The following CDC42EP3 variants were observed in gnomAD, a reference collection of about 807,000 sequenced individuals.
CDC42EP3 encodes the protein CDC42 effector protein (Rho GTPase binding) 3.
Under a neutral mutation model 15.5 loss-of-function variants are expected in CDC42EP3, and 4 were observed. The observed-to-expected ratio is 0.26, with a 90% CI of 0.13 to 0.59. The LOEUF (loss-of-function observed/expected upper bound fraction) is 0.59, where lower values mean the gene tolerates loss of function less well. CDC42EP3 is among the 20% of genes least tolerant of loss of function. The probability of loss-of-function intolerance (pLI) is 0.89; values close to 1 mark genes in which losing one functional copy is unlikely to be tolerated. For missense variants in CDC42EP3, 309 were observed against 311.2 expected (o/e 0.99, Z 0.05); for synonymous variants, 145 against 130.3 (o/e 1.11, Z -0.77).
At chr2:37,657,101 G>A (rs1433489636) in intron 1 of CDC42EP3, among the ~76,000 whole-genome samples, 1 of 149,850 alleles carries the variant, frequency 6.7e-6, no homozygotes, top group Non-Finnish European at 1.5e-5. Flanking sequence ...ATGCGACAGT[G>A]AACAATCACA....
At position 37,646,226 on chromosome 2, in the gene CDC42EP3, G is replaced by T. The variant is rs1223010588; in HGVS notation, c.362C>A (p.Pro121His). 2 of 1,614,090 alleles carry T rather than the reference G, an allele frequency of 1.2e-6. No homozygotes were observed. The highest frequency in any genetic ancestry group is 2.7e-5 in the African/African-American group (2 of 74,914). Residue 121 changes from proline to histidine, a missense_variant, in exon 2 of 2, where the codon CCC (proline) becomes CAC (histidine). Transcript: ENST00000295324. The stretch of plus-strand genomic sequence containing the variant: ...ATTAAATGTCACTGGTGACAATAAG[G>T]GCAACATGAGAGCTTGGGATCCTCC... Reference protein sequence around the residue: ...TIGGSQALMLPLLSPVTFNSK... With the variant: ...TIGGSQALMLHLLSPVTFNSK...
At chr2:37,654,490 T>C (rs1665786875) in intron 1 of CDC42EP3, among the ~76,000 whole-genome samples, 2 of 152,140 alleles carry the variant, frequency 1.3e-5, no homozygotes, top group South Asian at 4.1e-4. Flanking sequence ...AGGAAAGATT[T>C]TGGCTCCTCC....
rs981751141 is a variant in CDC42EP3, at chr2:37,650,052, G to A, written c.-235-3230C>T. ...CTAACAGCTCCCAAATACCCTGAAA[G>A]TTAAGAATTTTGGGCAAAATGTCAG... On this transcript the variant is annotated intron_variant, in intron 1 of 1. Coordinates refer to ENST00000295324, the MANE Select transcript of CDC42EP3 (RefSeq NM_006449.5). 2.5e-5 allele frequency among the ~76,000 whole-genome samples: 3 copies of A among 122,428 alleles called. No individual in the cohort carries two copies. In the South Asian group the frequency reaches 8.3e-4, roughly 34 times the overall value. 80.3% of individuals were successfully genotyped at this position (122,428 alleles called of 152,430 possible). A position where few individuals can be genotyped will look rare whatever the true frequency, so the allele number is the denominator to read the frequency against.
At chr2:37,662,935 C>T (rs904753583) in intron 1 of CDC42EP3, among the ~76,000 whole-genome samples, 18 of 152,122 alleles carry the variant, frequency 1.2e-4, no homozygotes, top group Admixed American at 2.6e-4. Flanking sequence ...GAGGCCGAGG[C>T]GGGCGGATCG....
At chr2:37,669,231 G>A (rs1227954176) in intron 1 of CDC42EP3, among the ~76,000 whole-genome samples, 8 of 69,690 alleles carry the variant, frequency 1.1e-4, no homozygotes, top group Admixed American at 2.0e-4. Context: ...CTATGGCCTG[G>A]CTAAAAAAAA....
Position 37,645,032 on chromosome 2 carries a change from A to AG in CDC42EP3, c.*790dup, listed in dbSNP as rs1439867662. The AG allele has an allele frequency of 1.3e-5, 2 of 152,210 alleles. No individual in the cohort carries two copies. Among genetic ancestry groups the AG allele is most frequent in the African/African-American group, 2.4e-5 (1 of 41,448 alleles). The allele number at this position is 152,210 out of a possible 1,614,324, so 9.4% of individuals were successfully genotyped here. A position where few individuals can be genotyped will look rare whatever the true frequency, so the allele number is the denominator to read the frequency against. On this transcript the variant is annotated 3_prime_UTR_variant, in exon 2 of 2. Coordinates refer to ENST00000295324, the MANE Select transcript of CDC42EP3 (RefSeq NM_006449.5). Reference sequence around the variant, plus strand: ...CTGTTAAAAGTATGATAACAGATGAAGAAAAAAAAACTAAGTATGAATACA... The same window carrying AG: ...CTGTTAAAAGTATGATAACAGATGAAGGAAAAAAAAACTAAGTATGAATACA...
intron 1 of CDC42EP3, among the ~76,000 whole-genome samples, chr2:37,667,672 T>C (rs1666287064): frequency 6.6e-6 from 1 of 152,216 alleles, no homozygotes; most frequent in South Asian, 2.1e-4. Flanking sequence ...ATAATTTACA[T>C]AGTGTTCCTC....
chr2:37,645,773 T>G lies in CDC42EP3; in HGVS notation c.*50A>C. ...CGGAAGCCCTTCTCTTCAACTGTGG[T>G]TAGTTTGTTTTTGTACCTTTTACCC... On this transcript the variant is annotated 3_prime_UTR_variant, in exon 2 of 2. Coordinates refer to ENST00000295324, the MANE Select transcript of CDC42EP3 (RefSeq NM_006449.5). The G allele has an allele frequency of 8.7e-6, 12 of 1,386,418 alleles. No homozygotes were observed. The highest frequency in any genetic ancestry group is 2.9e-5 in the African/African-American group (2 of 69,290). The allele number at this position is 1,386,418 out of a possible 1,614,324, so 85.9% of individuals were successfully genotyped here.
chr2:37,658,256 G>A (rs11883996), intron 1 of CDC42EP3, among the ~76,000 whole-genome samples: 3,629 of 152,286 alleles, frequency 0.024, 108 homozygotes, highest in African/African-American at 0.068. Context: ...ACAGAAGTTG[G>A]AAGCAAGATC....
At position 37,653,073 on chromosome 2, in the gene CDC42EP3, A is replaced by G. The variant is rs1412115493; in HGVS notation, c.-235-6251T>C. Among the ~76,000 whole-genome samples the G allele has an allele frequency of 1.9e-4, 29 of 152,172 alleles. 1 individual carries two copies. Among genetic ancestry groups the G allele is most frequent in the African/African-American group, 2.4e-5 (1 of 41,424 alleles). On this transcript the variant is annotated intron_variant, in intron 1 of 1. Transcript: ENST00000295324. ...GGTTTGTTCCTCTTTCCCTTCATAG[A>G]TAACACTGGAGATAACATTCATCTC...
chr2:37,655,046 C>T (rs1343338578), intron 1 of CDC42EP3, among the ~76,000 whole-genome samples: 1 of 152,084 alleles, frequency 6.6e-6, no homozygotes, highest in East Asian at 1.9e-4. Flanking sequence ...TTAACTCCAC[C>T]CATTTGAGAA....
chr2:37,670,607 T>G (rs374489805), intron 1 of CDC42EP3, among the ~76,000 whole-genome samples: 17 of 152,218 alleles, frequency 1.1e-4, no homozygotes, highest in African/African-American at 4.1e-4. Flanking sequence ...CCACGCAGCT[T>G]GTCCCAGCCA....
At chr2:37,668,313 G>A (rs936338762) in intron 1 of CDC42EP3, among the ~76,000 whole-genome samples, 7 of 152,082 alleles carry the variant, frequency 4.6e-5, no homozygotes, top group Admixed American at 1.3e-4. Context: ...TAAGTACCTA[G>A]GAAAAAAACA....
Position 37,645,725 on chromosome 2 carries a change from A to G in CDC42EP3, c.*98T>C. On this transcript the variant is annotated 3_prime_UTR_variant, in exon 2 of 2. Transcript: ENST00000295324. ...TAAGAATATTATTTTAGAAAACCCA[A>G]CACAAAACTGCAAATACAGCTCCGG... is the stretch of plus-strand genomic sequence containing the variant. 1.1e-6 allele frequency: 1 copy of G among 949,490 alleles called. No individual in the cohort carries two copies. The highest frequency in any genetic ancestry group is 1.5e-6 in the Non-Finnish European group (1 of 653,844). The allele number at this position is 949,490 out of a possible 1,614,324, so 58.8% of individuals were successfully genotyped here.
intron 1 of CDC42EP3, among the ~76,000 whole-genome samples, chr2:37,662,919 CTT>C (rs1233611604): frequency 6.6e-6 from 1 of 152,208 alleles, no homozygotes; most frequent in Non-Finnish European, 1.5e-5. Context: ...GATCCCAGCA[CTT>C]TGGGAGGCCG....
At chr2:37,665,170 TAGG>T (rs1666211561) in intron 1 of CDC42EP3, among the ~76,000 whole-genome samples, 1 of 151,970 alleles carries the variant, frequency 6.6e-6, no homozygotes, top group Non-Finnish European at 1.5e-5. Flanking sequence ...AGTGTTACAA[TAGG>T]AGAAGATACA....
chr2:37,657,507 T>C (rs867672001), intron 1 of CDC42EP3, among the ~76,000 whole-genome samples: 3 of 152,332 alleles, frequency 2.0e-5, no homozygotes, highest in East Asian at 3.9e-4. Flanking sequence ...CTCCTTTTTA[T>C]GCTGAATCAC....
upstream of CDC42EP3, chr2:37,672,531 C>T (rs4670758): frequency 0.086 from 13,167 of 152,286 alleles, 1,318 homozygotes; most frequent in East Asian, 0.46. Context: ...CGGCCACCGC[C>T]AGCGCCGCCG....
rs566036582 is a variant in CDC42EP3 at position 37,645,946 on chromosome 2, G to A, written c.642C>T (p.Ile214=). The A allele has an allele frequency of 6.2e-7, 1 of 1,614,034 alleles. No individual in the cohort carries two copies. The highest frequency in any genetic ancestry group is 2.2e-5 in the East Asian group (1 of 44,860). Residue 214 remains isoleucine (I), a synonymous_variant, in exon 2 of 2, where the codon ATC becomes ATT. Coordinates refer to ENST00000295324, the MANE Select transcript of CDC42EP3 (RefSeq NM_006449.5). ...MFDHPTPCEL[I]KGKTKSEESL... ...ACTCCTCTGACTTAGTCTTTCCCTTGATGAGCTCGCATGGGGTGGGATGGT... is the reference window on the plus strand; with the variant it reads ...ACTCCTCTGACTTAGTCTTTCCCTTAATGAGCTCGCATGGGGTGGGATGGT...
Sources: gnomAD v4.1 joint callset for allele counts (sites outside exome capture counted in the v4.1 genomes callset) on GRCh38, gnomAD v4.1.1 for gene constraint, MANE v1.5 for transcripts, NCBI Gene and HGNC (gene_info 2026-07-23, HGNC 2026-07-21) for gene names.